The following LOC128462377 variants were observed in gnomAD, a reference collection of about 807,000 sequenced individuals.
chr16:89,321,781 AC>A, the LOC128462377 span, among the ~76,000 whole-genome samples: 2 of 152,116 alleles, frequency 1.3e-5, no homozygotes, highest in African/African-American at 4.8e-5. Flanking sequence ...ACCATGAACA[AC>A]CTGGGTCTGG....
the LOC128462377 span, among the ~76,000 whole-genome samples, chr16:89,395,258 G>C: frequency 6.6e-6 from 1 of 152,236 alleles, no homozygotes; most frequent in Non-Finnish European, 1.5e-5. Context: ...TGAGCCCCAG[G>C]GAAGGGCTGC....
chr16:89,399,538 G>A, the LOC128462377 span, among the ~76,000 whole-genome samples: 189 of 152,248 alleles, frequency 1.2e-3, no homozygotes, highest in African/African-American at 4.4e-3. Context: ...GCAGGAACAC[G>A]GGGGACCTGG....
the LOC128462377 span, among the ~76,000 whole-genome samples, chr16:89,377,563 G>T: frequency 7.5e-4 from 114 of 152,288 alleles, no homozygotes; most frequent in African/African-American, 2.4e-3. Flanking sequence ...GAAATTAGAA[G>T]ACAACCTGGT....
the LOC128462377 span, among the ~76,000 whole-genome samples, chr16:89,404,041 T>C: frequency 6.6e-6 from 1 of 152,192 alleles, no homozygotes; most frequent in Non-Finnish European, 1.5e-5. Flanking sequence ...AACTTATAAC[T>C]AAAATTCCAA....
At chr16:89,370,236 G>A in the LOC128462377 span, among the ~76,000 whole-genome samples, 1 of 152,214 alleles carries the variant, frequency 6.6e-6, no homozygotes, top group Non-Finnish European at 1.5e-5. Context: ...GGGAGCCCAT[G>A]TCCAGGGGTG....
chr16:89,384,719 A>C, the LOC128462377 span, among the ~76,000 whole-genome samples: 1 of 152,044 alleles, frequency 6.6e-6, no homozygotes, highest in Non-Finnish European at 1.5e-5. Flanking sequence ...CTTTTACCTC[A>C]ATCAGGTGGC....
the LOC128462377 span, among the ~76,000 whole-genome samples, chr16:89,415,829 C>CAAAAACAAAAAAAAAAAAAAAAAAAAA: frequency 2.5e-5 from 1 of 39,744 alleles, no homozygotes. Context: ...GACTCTGTCT[C>CAAAAACAAAAAAAAAAAAAAAAAAAAA]AAAAAAAAAA....
chr16:89,417,292 G>C, the LOC128462377 span, among the ~76,000 whole-genome samples: 1 of 152,200 alleles, frequency 6.6e-6, no homozygotes, highest in African/African-American at 2.4e-5. Context: ...ACACAAAACA[G>C]ATTATGTATT....
At chr16:89,408,531 T>C in the LOC128462377 span, among the ~76,000 whole-genome samples, 3 of 152,224 alleles carry the variant, frequency 2.0e-5, no homozygotes, top group Non-Finnish European at 4.4e-5. Flanking sequence ...CAGCTGCATC[T>C]GGCAGGAGTG....
the LOC128462377 span, among the ~76,000 whole-genome samples, chr16:89,374,707 C>G: frequency 6.6e-6 from 1 of 152,178 alleles, no homozygotes; most frequent in South Asian, 2.1e-4. Context: ...CAACTCTGCT[C>G]AGGTAAGGAC....
chr16:89,407,605 G>C, the LOC128462377 span, among the ~76,000 whole-genome samples: 2 of 152,224 alleles, frequency 1.3e-5, no homozygotes, highest in Non-Finnish European at 2.9e-5. Flanking sequence ...TGGATTGCTT[G>C]AGTTCAGGAG....
At chr16:89,369,252 C>A in the LOC128462377 span, among the ~76,000 whole-genome samples, 1 of 152,262 alleles carries the variant, frequency 6.6e-6, no homozygotes, top group Non-Finnish European at 1.5e-5. Context: ...CAGCGACCTA[C>A]ACCTAGGTAC....
At chr16:89,415,261 CTTT>C in the LOC128462377 span, among the ~76,000 whole-genome samples, 50 of 84,518 alleles carry the variant, frequency 5.9e-4, 1 homozygote, top group East Asian at 7.0e-4. Flanking sequence ...GCCAGCTATT[CTTT>C]TTTTTTTTTT....
At chr16:89,329,413 A>G in the LOC128462377 span, among the ~76,000 whole-genome samples, 2 of 152,222 alleles carry the variant, frequency 1.3e-5, no homozygotes, top group East Asian at 1.9e-4. Flanking sequence ...AAAAAGGGAG[A>G]AAAAACACAA....
At chr16:89,320,533 G>A in the LOC128462377 span, among the ~76,000 whole-genome samples, 34 of 152,298 alleles carry the variant, frequency 2.2e-4, no homozygotes, top group African/African-American at 7.2e-4. Context: ...ACCGCCCCCA[G>A]GCCACGCATT....
chr16:89,388,462 C>T, the LOC128462377 span, among the ~76,000 whole-genome samples: 2 of 151,846 alleles, frequency 1.3e-5, no homozygotes, highest in South Asian at 2.1e-4. Context: ...TCTTGAAAAT[C>T]GACACGGAAT....
chr16:89,347,384 C>A, the LOC128462377 span, among the ~76,000 whole-genome samples: 1 of 152,192 alleles, frequency 6.6e-6, no homozygotes, highest in East Asian at 1.9e-4. Context: ...CCAAGATAGG[C>A]GGATCACGAG....
At chr16:89,411,024 G>C in the LOC128462377 span, among the ~76,000 whole-genome samples, 1 of 152,338 alleles carries the variant, frequency 6.6e-6, no homozygotes, top group African/African-American at 2.4e-5. Context: ...AGGGTGGCCA[G>C]GGCAGGAGGC....
chr16:89,389,619 G>A, the LOC128462377 span, among the ~76,000 whole-genome samples: 5 of 152,336 alleles, frequency 3.3e-5, no homozygotes, highest in African/African-American at 1.2e-4. Context: ...GGGATTCACA[G>A]AAGAACAGGC....
Sources: allele counts gnomAD v4.1 joint callset (sites outside exome capture counted in the v4.1 genomes callset), GRCh38; gene constraint gnomAD v4.1.1; transcripts MANE v1.5.